Variants in DMD observed in about 807,000 individuals in gnomAD.
DMD encodes the protein mutant dystrophin.
Under a neutral mutation model 330.1 loss-of-function variants are expected in DMD, and 63 were observed. The observed-to-expected ratio is 0.19, with a 90% confidence interval of 0.16 to 0.24. DMD has a LOEUF of 0.24. Among genes scored for constraint, DMD ranks in the 10% least tolerant of loss-of-function variants. The pLI is 1.00. For synonymous variants in DMD, 1,223 were observed against 959.8 expected (o/e 1.27, Z -5.07); for missense variants, 3,344 against 2,684.1 (o/e 1.25, Z -5.43).
At chrX:32,529,096 TC>T (rs1242465807) in intron 17 of DMD, among the ~76,000 whole-genome samples, 1 of 105,599 alleles carries the variant, frequency 9.5e-6, no homozygotes, top group African/African-American at 3.5e-5. Flanking sequence ...TAATTTTTTT[TC>T]CCTATTTTTC....
intron 17 of DMD, among the ~76,000 whole-genome samples, chrX:32,532,560 G>A (rs1267227107): frequency 1.8e-5 from 2 of 112,496 alleles, no homozygotes; most frequent in African/African-American, 3.2e-5. Context: ...CATTGGCAAA[G>A]AGTGACAATA....
At chrX:33,253,839 A>G (rs1776178934) in intron 1 of DMD, among the ~76,000 whole-genome samples, 1 of 111,315 alleles carries the variant, frequency 9.0e-6, no homozygotes, top group African/African-American at 3.2e-5. Flanking sequence ...ATTCTTAGTT[A>G]TCAATTTTTG....
rs756244015 is a variant in DMD, at chrX:32,783,431, C to CA, written c.649+26061dup. Among the ~76,000 whole-genome samples the CA allele has an allele frequency of 3.6e-3, 369 of 103,759 alleles. 2 individuals are homozygous for CA. Among genetic ancestry groups the CA allele is most frequent in the African/African-American group, 9.7e-3 (280 of 28,752 alleles). 90.1% of individuals were successfully genotyped at this position (103,759 alleles called of 115,157 possible). On this transcript the variant is annotated intron_variant, in intron 7 of 78. Transcript: ENST00000357033. ...CCTAGTATGTACCCACAAAAATTTC[C>CA]AAAAAAAATAAATTGTTTCCCAAAT...
chrX:33,141,765 C>G (rs1025894147), intron 1 of DMD, among the ~76,000 whole-genome samples: 1 of 111,368 alleles, frequency 9.0e-6, no homozygotes, highest in Non-Finnish European at 1.9e-5. Flanking sequence ...CCACATACAC[C>G]TAATTGCTCT....
At chrX:32,859,310 A>G (rs1457932147) in intron 2 of DMD, among the ~76,000 whole-genome samples, 1 of 109,833 alleles carries the variant, frequency 9.1e-6, no homozygotes, top group East Asian at 2.9e-4. Context: ...TCTACTAAAA[A>G]TACAAGAATT....
chrX:31,988,683 C>A (rs1307117603), intron 44 of DMD, among the ~76,000 whole-genome samples: 1 of 109,210 alleles, frequency 9.2e-6, no homozygotes, highest in East Asian at 2.9e-4. Context: ...TTGAGGTCAC[C>A]TTTTATACCA....
At chrX:31,229,432 GT>G (rs1291447753) in intron 63 of DMD, among the ~76,000 whole-genome samples, 3 of 111,498 alleles carry the variant, frequency 2.7e-5, no homozygotes, top group Non-Finnish European at 5.6e-5. Flanking sequence ...AAGGCCTAAG[GT>G]TTCAATATGC....
intron 11 of DMD, among the ~76,000 whole-genome samples, chrX:32,625,079 G>A (rs1169265578): frequency 2.7e-5 from 3 of 112,004 alleles, no homozygotes; most frequent in Non-Finnish European, 5.6e-5. Context: ...GCTGAGGCAG[G>A]ACAATTGCTT....
intron 60 of DMD, among the ~76,000 whole-genome samples, chrX:31,426,912 C>G (rs1057370592): frequency 8.9e-6 from 1 of 112,074 alleles, no homozygotes; most frequent in African/African-American, 3.2e-5. Flanking sequence ...AAATATTTAA[C>G]TTTAAATGGT....
chrX:32,914,426 C>CTCAT (rs1306621981), intron 2 of DMD, among the ~76,000 whole-genome samples: 1 of 112,338 alleles, frequency 8.9e-6, no homozygotes, highest in East Asian at 2.8e-4. Context: ...CGACTTTAGG[C>CTCAT]TCATAGTAAC....
rs895254550 is a variant in DMD at position 32,775,779 on chromosome X, T to G, written c.649+33714A>C. Among the ~76,000 whole-genome samples the G allele has an allele frequency of 2.7e-5, 3 of 113,033 alleles. No individual in the cohort carries two copies. The Admixed American group carries it at 2.8e-4, about 10-fold the overall frequency. On this transcript the variant is annotated intron_variant, in intron 7 of 78. Coordinates refer to ENST00000357033, the MANE Select transcript of DMD (RefSeq NM_004006.3). ...TACCCTGAAGACGTTTTCCCCATTG[T>G]CTTGGCTACTAACATTCTGCTTCTC...
At chrX:32,564,793 T>C (rs1019990860) in intron 16 of DMD, among the ~76,000 whole-genome samples, 1 of 111,651 alleles carries the variant, frequency 9.0e-6, no homozygotes, top group Non-Finnish European at 1.9e-5. Flanking sequence ...TCCTAAGTGC[T>C]ACTTATCAGA....
chrX:31,162,508 C>T (rs1158916266), intron 74 of DMD, among the ~76,000 whole-genome samples: 1 of 109,974 alleles, frequency 9.1e-6, no homozygotes, highest in Non-Finnish European at 1.9e-5. Context: ...TGAAGCAGTC[C>T]TCACAAACAT....
rs1326979286 is a variant in DMD at position 32,287,646 on chromosome X, T to C, written c.6173A>G (p.Lys2058Arg). 3 of 1,208,528 alleles carry C rather than the reference T, an allele frequency of 2.5e-6. No individual in the cohort carries two copies. The highest frequency in any genetic ancestry group is 3.4e-6 in the Non-Finnish European group (3 of 894,197). Residue 2058 changes from lysine to arginine, a missense_variant, in exon 43 of 79, where the codon AAG (lysine) becomes AGG (arginine). Coordinates refer to ENST00000357033, the MANE Select transcript of DMD (RefSeq NM_004006.3). ...SSGRIDIIHSKKTAALQSATP... is the reference protein window; with the variant it reads ...SSGRIDIIHSRKTAALQSATP... Reference sequence around the variant, plus strand: ...TGCACTTTGCAATGCTGCTGTCTTCTTGCTATGAATAATGTCAATCCGACC... The same window carrying C: ...TGCACTTTGCAATGCTGCTGTCTTCCTGCTATGAATAATGTCAATCCGACC...
chrX:32,320,511 G>T (rs146217877), intron 41 of DMD, among the ~76,000 whole-genome samples: 2 of 111,521 alleles, frequency 1.8e-5, no homozygotes, highest in African/African-American at 6.5e-5. Context: ...GGACAGTGTA[G>T]ATATAGAACA....
chrX:31,300,903 C>T (rs1463478991), intron 62 of DMD, among the ~76,000 whole-genome samples: 1 of 112,053 alleles, frequency 8.9e-6, no homozygotes, highest in Admixed American at 9.5e-5. Flanking sequence ...AAGAAAACTG[C>T]TGGACAGATA....
chrX:31,141,815 G>C (rs1017422474), intron 76 of DMD, among the ~76,000 whole-genome samples: 1 of 111,660 alleles, frequency 9.0e-6, no homozygotes. Context: ...AGAGTTGTCA[G>C]CATAGCAGAA....
At chrX:32,229,475 T>C (rs2097159791) in intron 43 of DMD, among the ~76,000 whole-genome samples, 1 of 105,641 alleles carries the variant, frequency 9.5e-6, no homozygotes, top group East Asian at 3.0e-4. Flanking sequence ...GCTTATATTG[T>C]CCTAAATTTT....
Position 32,697,789 on chromosome X carries a change from A to G in DMD, c.960+81T>C, listed in dbSNP as rs1312801324. The stretch of plus-strand genomic sequence containing the variant: ...ACGAGGAGATAAAAGGCACTGAAAA[A>G]TTCAAGCAAGTAAAAGCAGTGTTAG... On this transcript the variant is annotated intron_variant, in intron 9 of 78. Coordinates refer to ENST00000357033, the MANE Select transcript of DMD (RefSeq NM_004006.3). 3 of 1,177,778 alleles carry G rather than the reference A, an allele frequency of 2.5e-6. No homozygotes were observed. In the East Asian group the frequency reaches 9.0e-5, roughly 35 times the overall value.
Sources: allele counts gnomAD v4.1 joint callset (sites outside exome capture counted in the v4.1 genomes callset), GRCh38; gene constraint gnomAD v4.1.1; transcripts MANE v1.5; gene names NCBI Gene and HGNC (gene_info 2026-07-23, HGNC 2026-07-21).